The following FGF12 variants were observed in gnomAD, a reference collection of about 807,000 sequenced individuals.
FGF12 encodes the protein fibroblast growth factor 12.
Under a neutral mutation model 23.6 loss-of-function variants are expected in FGF12, and 14 were observed. The observed-to-expected ratio is 0.59, with a 90% CI of 0.39 to 0.93. FGF12 has a LOEUF of 0.93. Ranked by LOEUF, FGF12 falls within the 40% of genes least tolerant of loss-of-function variation. FGF12 has a pLI of 0.00. For missense variants in FGF12, 175 were observed against 217.8 expected (o/e 0.80, Z 1.24); for synonymous variants, 62 against 77.3 (o/e 0.80, Z 1.04).
rs143269336 is a variant in FGF12 at position 192,478,868 on chromosome 3, G to A, written c.14-118330C>T. Among the ~76,000 whole-genome samples the A allele has an allele frequency of 3.1e-3, 477 of 152,274 alleles. 10 individuals carry two copies. The highest frequency in any genetic ancestry group is 0.026 in the Admixed American group (393 of 15,296). ...TATTCCAGTAAGCATGAAACATACTGTTGGTGTTGTCCTGATGTTATGTTA... is the reference window on the plus strand; with the variant it reads ...TATTCCAGTAAGCATGAAACATACTATTGGTGTTGTCCTGATGTTATGTTA... On this transcript the variant is annotated intron_variant, in intron 2 of 5. Coordinates refer to ENST00000445105, the MANE Select transcript of FGF12 (RefSeq NM_004113.6).
At chr3:192,656,706 A>C (rs1716441236) in intron 2 of FGF12, among the ~76,000 whole-genome samples, 1 of 152,126 alleles carries the variant, frequency 6.6e-6, no homozygotes, top group Non-Finnish European at 1.5e-5. Context: ...ACTCTCTCCA[A>C]TGTTGACAGT....
At chr3:192,470,014 A>T (rs1723125486) in intron 2 of FGF12, among the ~76,000 whole-genome samples, 1 of 152,146 alleles carries the variant, frequency 6.6e-6, no homozygotes, top group South Asian at 2.1e-4. Context: ...AGTATGACAA[A>T]ATAAGAGAAA....
rs1015328127 is a variant in FGF12, at chr3:192,245,495, A to G, written c.229-74839T>C. Among the ~76,000 whole-genome samples the G allele has an allele frequency of 2.6e-5, 4 of 152,016 alleles. No individual in the cohort carries two copies. The South Asian group carries it at 6.2e-4, about 24-fold the overall frequency. ...GCATAATCATAACACTTCCTCCTAC[A>G]TGTGAGCATCAGAAATATTTAATCA... On this transcript the variant is annotated intron_variant, in intron 4 of 5. Coordinates refer to ENST00000445105, the MANE Select transcript of FGF12 (RefSeq NM_004113.6).
chr3:192,488,524 T>A (rs1030610822), intron 2 of FGF12, among the ~76,000 whole-genome samples: 2 of 152,094 alleles, frequency 1.3e-5, no homozygotes, highest in Non-Finnish European at 2.9e-5. Flanking sequence ...ACATTGGAAA[T>A]GACATAGTTG....
rs146464708 is a variant in FGF12 at position 192,181,900 on chromosome 3, A to G, written c.229-11244T>C. Among the ~76,000 whole-genome samples the G allele has an allele frequency of 6.3e-3, 961 of 152,178 alleles. 14 individuals carry two copies. The highest frequency in any genetic ancestry group is 1.0e-2 in the South Asian group (48 of 4,812). On this transcript the variant is annotated intron_variant, in intron 4 of 5. Coordinates refer to ENST00000445105, the MANE Select transcript of FGF12 (RefSeq NM_004113.6). ...GCTGGGATTACAGACATGGGCCACC[A>G]TGCTCAGCCAACAGATAAGAACTTT...
chr3:192,249,964 T>C (rs945685750), intron 4 of FGF12, among the ~76,000 whole-genome samples: 1 of 152,184 alleles, frequency 6.6e-6, no homozygotes, highest in East Asian at 1.9e-4. Context: ...GAAAGGCTGG[T>C]GTCTAACTAG....
intron 2 of FGF12, chr3:192,521,193 G>A (rs551406752): frequency 6.6e-6 from 1 of 152,244 alleles, no homozygotes; most frequent in South Asian, 2.1e-4. Context: ...ATTTATGTCA[G>A]TGTGATTGTA....
chr3:192,603,547 G>T (rs938559649), intron 2 of FGF12, among the ~76,000 whole-genome samples: 4 of 152,124 alleles, frequency 2.6e-5, no homozygotes, highest in African/African-American at 9.7e-5. Flanking sequence ...GAAATAAAGA[G>T]AAAGAGTACA....
At chr3:192,475,927 TATAGATAGATG>T (rs1168677367) in intron 2 of FGF12, among the ~76,000 whole-genome samples, 2 of 147,934 alleles carry the variant, frequency 1.4e-5, no homozygotes, top group African/African-American at 2.7e-5. Flanking sequence ...TGATAGATGA[TATAGATAGATG>T]ATAGATAGAT....
intron 2 of FGF12, among the ~76,000 whole-genome samples, chr3:192,599,266 A>AATAATAATAATAATAATT (rs1344262699): frequency 3.4e-5 from 5 of 146,360 alleles, no homozygotes; most frequent in Non-Finnish European, 4.5e-5. Context: ...TAATAATAAT[A>AATAATAATAATAATAATT]ATAATAATAA....
At chr3:192,699,890 A>G (rs779171805) in intron 2 of FGF12, among the ~76,000 whole-genome samples, 1 of 152,182 alleles carries the variant, frequency 6.6e-6, no homozygotes, top group African/African-American at 2.4e-5. Context: ...CCCATGCTGG[A>G]GTAAGTTATT....
At chr3:192,257,302 C>G (rs1033771731) in intron 4 of FGF12, among the ~76,000 whole-genome samples, 1 of 152,010 alleles carries the variant, frequency 6.6e-6, no homozygotes, top group Non-Finnish European at 1.5e-5. Flanking sequence ...CCTAGTTTTG[C>G]CACCGTGTTA....
chr3:192,626,084 G>C (rs550672675), intron 2 of FGF12, among the ~76,000 whole-genome samples: 72 of 152,192 alleles, frequency 4.7e-4, no homozygotes, highest in Middle Eastern at 3.4e-3. Context: ...TTTTCTCACG[G>C]CTGCTATAAT....
At chr3:192,144,153 C>T (rs991957244) in intron 5 of FGF12, 26 bp from the exon 6 acceptor site, 4 of 1,368,350 alleles carry the variant, frequency 2.9e-6, no homozygotes, top group South Asian at 1.2e-5. Context: ...ACAAAAATTA[C>T]TTATGACAGT....
chr3:192,343,888 C>T (rs748263005), intron 3 of FGF12, among the ~76,000 whole-genome samples: 1 of 152,028 alleles, frequency 6.6e-6, no homozygotes, highest in Non-Finnish European at 1.5e-5. Flanking sequence ...TGAATTTAAC[C>T]CTCTAAAACA....
At chr3:192,397,794 T>A (rs1320868206) in intron 2 of FGF12, among the ~76,000 whole-genome samples, 1 of 152,172 alleles carries the variant, frequency 6.6e-6, no homozygotes, top group African/African-American at 2.4e-5. Context: ...AAAATTTGAA[T>A]ATAGATCCCT....
chr3:192,158,332 C>CTTTCTTTCTTTCTTTCTTTT (rs1459698854), intron 5 of FGF12, among the ~76,000 whole-genome samples: 9 of 112,356 alleles, frequency 8.0e-5, no homozygotes, highest in African/African-American at 3.2e-4. Flanking sequence ...TTCTTTCTTT[C>CTTTCTTTCTTTCTTTCTTTT]TCTTTCTTTC....
chr3:192,406,575 G>A (rs1483493145), intron 2 of FGF12, among the ~76,000 whole-genome samples: 1 of 152,098 alleles, frequency 6.6e-6, no homozygotes, highest in Admixed American at 6.5e-5. Flanking sequence ...TTTATAAAAT[G>A]AACATGCTAT....
chr3:192,459,334 C>T (rs774994521), intron 2 of FGF12, among the ~76,000 whole-genome samples: 5 of 152,152 alleles, frequency 3.3e-5, no homozygotes, highest in Admixed American at 6.5e-5. Flanking sequence ...CTAAATAAAA[C>T]GGCAACAAAA....
Sources: gnomAD v4.1 joint callset for allele counts (sites outside exome capture counted in the v4.1 genomes callset) on GRCh38, gnomAD v4.1.1 for gene constraint, MANE v1.5 for transcripts, NCBI Gene and HGNC (gene_info 2026-07-23, HGNC 2026-07-21) for gene names.